Variants in PCED1B observed in about 807,000 individuals in gnomAD.
PCED1B encodes PC-esterase domain-containing protein 1B.
For synonymous variants in PCED1B, 251 were observed against 246.1 expected (o/e 1.02, Z -0.19); for missense variants, 573 against 573.9 (o/e 1.00, Z 0.02).
chr12:47,130,752 AAAAAG>A (rs1213790519), intron 2 of PCED1B, among the ~76,000 whole-genome samples: 1 of 152,224 alleles, frequency 6.6e-6, no homozygotes, highest in African/African-American at 2.4e-5. Flanking sequence ...ATTAAAGAAA[AAAAAG>A]AAAAGAAGTG....
chr12:47,091,082 G>T (rs753888951), intron 1 of PCED1B, among the ~76,000 whole-genome samples: 1 of 151,998 alleles, frequency 6.6e-6, no homozygotes, highest in African/African-American at 2.4e-5. Flanking sequence ...ATGGGTTACA[G>T]GTTATGCATA....
At chr12:47,110,253 C>T (rs1565752614) in intron 2 of PCED1B, among the ~76,000 whole-genome samples, 1 of 152,204 alleles carries the variant, frequency 6.6e-6, no homozygotes, top group Non-Finnish European at 1.5e-5. Flanking sequence ...GGACAGCCAG[C>T]AACCACTTCT....
intron 1 of PCED1B, among the ~76,000 whole-genome samples, chr12:47,087,997 C>G (rs187685837): frequency 2.0e-5 from 3 of 152,288 alleles, no homozygotes; most frequent in Admixed American, 2.0e-4. Flanking sequence ...CCAGAACATC[C>G]ATTTATTAAC....
At chr12:47,116,728 ATTTT>A (rs1939438328) in intron 2 of PCED1B, among the ~76,000 whole-genome samples, 1 of 152,102 alleles carries the variant, frequency 6.6e-6, no homozygotes, top group South Asian at 2.1e-4. Flanking sequence ...TTTAAATTTA[ATTTT>A]TTCTTTATTC....
chr12:47,106,231 G>A (rs1362181002), intron 2 of PCED1B, among the ~76,000 whole-genome samples: 1 of 151,974 alleles, frequency 6.6e-6, no homozygotes, highest in Non-Finnish European at 1.5e-5. Context: ...ATCAAAAAAG[G>A]ACCATTTTTA....
intron 3 of PCED1B, among the ~76,000 whole-genome samples, chr12:47,233,220 G>A (rs764284354): frequency 6.6e-6 from 1 of 151,576 alleles, no homozygotes; most frequent in African/African-American, 2.4e-5. Flanking sequence ...TTTTTGGCAC[G>A]ATCTTGGCTC....
rs1360888377 is a variant in PCED1B, at chr12:47,235,605, T to C, written c.542T>C (p.Leu181Pro). The stretch of plus-strand genomic sequence containing the variant: ...ACCGGGGGTTTTCTTCCGCCCAAGC[T>C]CCGGCGGCAGAAGGCCACCTTCCTG... The part of the protein sequence containing the change: ...EVTGGFLPPK[L>P]RRQKATFLKN... The change falls in exon 4 of 4, where the codon CTC (leucine) becomes CCC (proline). Residue 181 changes from leucine (L) to proline (P), a missense_variant. By Grantham distance (98) the Leu-to-Pro change is moderately conservative. Transcript: ENST00000546455. The C allele has an allele frequency of 6.2e-7, 1 of 1,609,506 alleles. No homozygotes were observed. The highest frequency in any genetic ancestry group is 8.5e-7 in the Non-Finnish European group (1 of 1,177,404).
intron 3 of PCED1B, among the ~76,000 whole-genome samples, chr12:47,218,269 G>A (rs1335107522): frequency 6.6e-6 from 1 of 152,212 alleles, no homozygotes; most frequent in Non-Finnish European, 1.5e-5. Context: ...CCTGGGGAAA[G>A]GCCTAATGTG....
chr12:47,085,543 C>T (rs1032431367), intron 1 of PCED1B, among the ~76,000 whole-genome samples: 1 of 152,120 alleles, frequency 6.6e-6, no homozygotes, highest in Non-Finnish European at 1.5e-5. Flanking sequence ...CGGGTACATC[C>T]ATCTGGTATG....
At chr12:47,095,187 C>T (rs1938437845) in intron 1 of PCED1B, among the ~76,000 whole-genome samples, 1 of 150,906 alleles carries the variant, frequency 6.6e-6, no homozygotes, top group African/African-American at 2.4e-5. Flanking sequence ...CTTTATTCTA[C>T]TTTCATATTT....
chr12:47,109,394 T>A (rs1939095890), intron 2 of PCED1B, among the ~76,000 whole-genome samples: 1 of 152,076 alleles, frequency 6.6e-6, no homozygotes, highest in Admixed American at 6.6e-5. Context: ...TTTATTATTG[T>A]CTTTAAAAGT....
At chr12:47,179,715 T>A (rs1269442880) in intron 2 of PCED1B, among the ~76,000 whole-genome samples, 1 of 152,152 alleles carries the variant, frequency 6.6e-6, no homozygotes, top group Non-Finnish European at 1.5e-5. Context: ...TATTTATTCA[T>A]CAATCCATTT....
intron 1 of PCED1B, among the ~76,000 whole-genome samples, chr12:47,084,759 A>G (rs146437460): frequency 2.0e-5 from 3 of 152,350 alleles, no homozygotes; most frequent in Non-Finnish European, 4.4e-5. Flanking sequence ...TTATAAAAGT[A>G]TTAAAACTCT....
At chr12:47,197,993 C>T (rs1942657125) in intron 2 of PCED1B, among the ~76,000 whole-genome samples, 1 of 152,194 alleles carries the variant, frequency 6.6e-6, no homozygotes, top group African/African-American at 2.4e-5. Context: ...CAATTCTCTA[C>T]TGTTTCTTCC....
At chr12:47,172,344 T>TC (rs1391562660) in intron 2 of PCED1B, among the ~76,000 whole-genome samples, 3 of 140,588 alleles carry the variant, frequency 2.1e-5, no homozygotes, top group Non-Finnish European at 4.8e-5. Flanking sequence ...GGGTTGCTTT[T>TC]TTTTTTTTTT....
At chr12:47,195,328 C>A (rs1468428437) in intron 2 of PCED1B, among the ~76,000 whole-genome samples, 200 of 136,054 alleles carry the variant, frequency 1.5e-3, no homozygotes, top group Non-Finnish European at 1.4e-3. Flanking sequence ...GTCTCTGTCT[C>A]AAAAAAAAAA....
chr12:47,098,417 G>A (rs1289019035), intron 1 of PCED1B, among the ~76,000 whole-genome samples: 1 of 152,174 alleles, frequency 6.6e-6, no homozygotes, highest in Admixed American at 6.5e-5. Flanking sequence ...AAGGAAATCA[G>A]ACATGCTTTT....
intron 1 of PCED1B, among the ~76,000 whole-genome samples, chr12:47,086,847 C>A (rs577717670): frequency 1.3e-5 from 2 of 152,258 alleles, no homozygotes; most frequent in East Asian, 3.9e-4. Flanking sequence ...ATGAAGCATT[C>A]AGAGTCCTAT....
intron 2 of PCED1B, among the ~76,000 whole-genome samples, chr12:47,197,378 A>C (rs1942638376): frequency 1.3e-5 from 2 of 151,756 alleles, no homozygotes; most frequent in Admixed American, 1.3e-4. Context: ...AGGCCGAGGA[A>C]GGTGGATCAC....
Sources: gnomAD v4.1 joint callset for allele counts (sites outside exome capture counted in the v4.1 genomes callset) on GRCh38, gnomAD v4.1.1 for gene constraint, MANE v1.5 for transcripts, NCBI Gene and HGNC (gene_info 2026-07-23, HGNC 2026-07-21) for gene names.